Variants in CHD7 observed in about 807,000 individuals in gnomAD.
The protein encoded by CHD7 is chromodomain helicase DNA binding protein 7, also known as ATP-dependent chromatin remodeler CHD7.
In CHD7, 24 loss-of-function variants were observed where a neutral mutation model predicts 307.3. That is an observed-to-expected ratio of 0.08 (90% CI 0.06 to 0.11). CHD7 has a LOEUF of 0.11. CHD7 is among the 10% of genes least tolerant of loss of function. The pLI is 1.00. For missense variants in CHD7, 3,106 were observed against 3,727.1 expected, an observed-to-expected ratio of 0.83 and a Z score of 4.34; for synonymous variants, 1,363 against 1,349.9, an observed-to-expected ratio of 1.01 and a Z score of -0.21.
chr8:60,705,848 T>G (rs1212546939), intron 1 of CHD7, among the ~76,000 whole-genome samples: 1 of 152,236 alleles, frequency 6.6e-6, no homozygotes, highest in African/African-American at 2.4e-5. Context: ...CATTATATAA[T>G]AGAATAAGTC....
At position 60,818,554 on chromosome 8, in the gene CHD7, A is replaced by T. The variant is rs114421344; in HGVS notation, c.2614-1453A>T. Reference sequence around the variant, plus strand: ...GAAAAGCCAGTGCATTAATACACTAATACTTTATATTAATTGAACATTTCA... The same window carrying T: ...GAAAAGCCAGTGCATTAATACACTATTACTTTATATTAATTGAACATTTCA... On this transcript the variant is annotated intron_variant, in intron 8 of 37. Transcript: ENST00000423902. Among the ~76,000 whole-genome samples the T allele has an allele frequency of 6.4e-3, 974 of 152,320 alleles. 17 individuals carry two copies. Among genetic ancestry groups the T allele is most frequent in the African/African-American group, 0.022 (907 of 41,568 alleles).
At chr8:60,766,164 A>C (rs763504891) in intron 2 of CHD7, among the ~76,000 whole-genome samples, 3 of 152,204 alleles carry the variant, frequency 2.0e-5, no homozygotes, top group Non-Finnish European at 2.9e-5. Flanking sequence ...AAAGGAAGCA[A>C]GGGTGGCCAT....
intron 8 of CHD7, among the ~76,000 whole-genome samples, chr8:60,818,792 A>G (rs1803877727): frequency 6.6e-6 from 1 of 152,242 alleles, no homozygotes; most frequent in Non-Finnish European, 1.5e-5. Flanking sequence ...TTCAAGGGAT[A>G]AGAATGGTGT....
At chr8:60,840,264 T>A (rs1201113397) in intron 19 of CHD7, among the ~76,000 whole-genome samples, 1 of 152,196 alleles carries the variant, frequency 6.6e-6, no homozygotes, top group African/African-American at 2.4e-5. Flanking sequence ...GAGACCCACA[T>A]CTTCTCCTTT....
rs370305211 is a variant in CHD7 at position 60,741,956 on chromosome 8, C to T, written c.524C>T (p.Ser175Leu). The T allele has an allele frequency of 2.0e-5, 32 of 1,613,518 alleles. No individual in the cohort carries two copies. Among genetic ancestry groups the T allele is most frequent in the African/African-American group, 2.7e-5 (2 of 74,906 alleles). Residue 175 changes from serine to leucine, a missense_variant, in exon 2 of 38, where the codon TCG becomes TTG. By Grantham distance (145) the Ser-to-Leu change is moderately radical. Coordinates refer to ENST00000423902, the MANE Select transcript of CHD7 (RefSeq NM_017780.4). ...PQPQPPQPAPSGPPAQGHPQH... is the reference protein window; with the variant it reads ...PQPQPPQPAPLGPPAQGHPQH... ...CCGCAGCCACCGCAGCCGGCTCCGT[C>T]GGGGCCCCCTGCACAGGGCCACCCT... is the stretch of plus-strand genomic sequence containing the variant.
At chr8:60,822,402 G>T in intron 11 of CHD7, 101 bp from the exon 12 acceptor site, 1 of 1,109,296 alleles carries the variant, frequency 9.0e-7, no homozygotes, top group Non-Finnish European at 1.3e-6. Context: ...TAAAGCCTTT[G>T]GGTATGCATT....
intron 2 of CHD7, among the ~76,000 whole-genome samples, chr8:60,755,127 T>G (rs1809829222): frequency 2.6e-5 from 4 of 152,226 alleles, no homozygotes. Context: ...TTATAATGCT[T>G]CTTTATCCTA....
At chr8:60,860,457 C>T (rs1025204960) in intron 34 of CHD7, among the ~76,000 whole-genome samples, 9 of 152,144 alleles carry the variant, frequency 5.9e-5, no homozygotes, top group South Asian at 2.1e-4. Context: ...TTTTTTGAGA[C>T]GAAGTCTCAC....
chr8:60,830,606 T>C (rs775263137), intron 15 of CHD7, 29 bp downstream of exon 15: 35 of 1,604,032 alleles, frequency 2.2e-5, no homozygotes, highest in Non-Finnish European at 2.8e-5. Flanking sequence ...CGAACTTGCT[T>C]AAGTGACGAT....
At chr8:60,726,774 C>T (rs958276170) in intron 1 of CHD7, among the ~76,000 whole-genome samples, 2 of 152,168 alleles carry the variant, frequency 1.3e-5, no homozygotes, top group Non-Finnish European at 2.9e-5. Flanking sequence ...CCACCACCCC[C>T]TGCATAACTC....
chr8:60,744,866 A>T lies in CHD7; in HGVS notation c.1665+1769A>T, dbSNP rs113282018. ...CGAGACTCCATCTAAAAAAAAAAAA[A>T]TTTTTTTTTTTTTAATTTTAGATTC... On this transcript the variant is annotated intron_variant, in intron 2 of 37. Transcript: ENST00000423902. Among the ~76,000 whole-genome samples, 524 of 52,848 alleles carry T rather than the reference A, an allele frequency of 9.9e-3. 1 individual carries two copies. The highest frequency in any genetic ancestry group is 0.075 in the Middle Eastern group (10 of 134). The allele number at this position is 52,848 out of a possible 152,430, so 34.7% of individuals were successfully genotyped here.
At chr8:60,738,702 G>C (rs1402109704) in intron 1 of CHD7, among the ~76,000 whole-genome samples, 1 of 152,162 alleles carries the variant, frequency 6.6e-6, no homozygotes, top group Admixed American at 6.5e-5. Flanking sequence ...GGTCAGAAAA[G>C]GGGCAGGAAG....
At position 60,688,165 on chromosome 8, in the gene CHD7, G is replaced by T. The variant is rs563425430; in HGVS notation, c.-175+9083G>T. Among the ~76,000 whole-genome samples, 4 of 152,326 alleles carry T rather than the reference G, an allele frequency of 2.6e-5. No homozygotes were observed. The South Asian group carries it at 8.3e-4, about 32-fold the overall frequency. The stretch of plus-strand genomic sequence containing the variant: ...TCACATGGAGATGAGGAGAAGAGTT[G>T]TTCTTGTGGAGGTTGCCTTCTGAGG... On this transcript the variant is annotated intron_variant, in intron 1 of 37. Transcript: ENST00000423902.
At chr8:60,777,916 T>C (rs1352752460) in intron 2 of CHD7, among the ~76,000 whole-genome samples, 1 of 152,210 alleles carries the variant, frequency 6.6e-6, no homozygotes, top group African/African-American at 2.4e-5. Context: ...TAAAAATACC[T>C]TTGGTATCTA....
At chr8:60,805,729 C>T (rs751971495) in intron 6 of CHD7, among the ~76,000 whole-genome samples, 7 of 151,926 alleles carry the variant, frequency 4.6e-5, no homozygotes, top group Admixed American at 6.5e-5. Context: ...AGAAAAGGGA[C>T]AGTATGGGAG....
rs147333056 is a variant in CHD7, at chr8:60,860,816, C to G, written c.7609-88C>G. On this transcript the variant is annotated intron_variant, in intron 34 of 37. Transcript: ENST00000423902. ...TATTTTCTCTTTTTGATAAAAGATC[C>G]ATTCTAGGATAGCGTTTTCTTGAAA... 325 of 915,736 alleles carry G rather than the reference C, an allele frequency of 3.5e-4. No individual in the cohort carries two copies. In the African/African-American group the frequency reaches 4.9e-3, roughly 14 times the overall value. 56.7% of individuals were successfully genotyped at this position (915,736 alleles called of 1,614,324 possible). A position where few individuals can be genotyped will look rare whatever the true frequency, so the allele number is the denominator to read the frequency against.
chr8:60,863,996 T>G (rs1241981485), intron 37 of CHD7: 1 of 152,016 alleles, frequency 6.6e-6, no homozygotes, highest in East Asian at 1.9e-4. Flanking sequence ...CCTCCCAAAG[T>G]GCTGAGATTA....
intron 1 of CHD7, among the ~76,000 whole-genome samples, chr8:60,687,140 A>G (rs919653733): frequency 6.6e-6 from 1 of 152,234 alleles, no homozygotes; most frequent in Non-Finnish European, 1.5e-5. Context: ...AAATGTGCAT[A>G]TTATTTCAAC....
intron 1 of CHD7, among the ~76,000 whole-genome samples, chr8:60,707,887 G>A (rs1212304755): frequency 1.3e-5 from 2 of 152,172 alleles, no homozygotes; most frequent in South Asian, 2.1e-4. Context: ...TTATGGCAAA[G>A]CAGGATGCCA....
Sources: gnomAD v4.1 joint callset for allele counts (sites outside exome capture counted in the v4.1 genomes callset) on GRCh38, gnomAD v4.1.1 for gene constraint, MANE v1.5 for transcripts, NCBI Gene and HGNC (gene_info 2026-07-23, HGNC 2026-07-21) for gene names.